Variants in IL36RN observed in about 807,000 individuals in gnomAD.
IL36RN encodes interleukin 36 receptor antagonist.
Under a neutral mutation model 13.0 loss-of-function variants are expected in IL36RN, and 11 were observed. The ratio of observed to expected loss-of-function variants is 0.85; its 90% CI spans 0.53 to 1.40. The LOEUF is 1.40. Among genes scored for constraint, IL36RN ranks in the 40% most tolerant of loss-of-function variants. The probability of loss-of-function intolerance (pLI) is 0.00; values close to 1 mark genes in which losing one functional copy is unlikely to be tolerated. For missense variants in IL36RN, 195 were observed against 195.3 expected, an observed-to-expected ratio of 1.00 and a Z score of 0.01; for synonymous variants, 94 against 84.1, an observed-to-expected ratio of 1.12 and a Z score of -0.64.
At position 113,062,686 on chromosome 2, in the gene IL36RN, G is replaced by GC. The variant is rs748582624; in HGVS notation, c.*15dup. ...TCCAGCAGTGTGACTAGGGCAACGT[G>GC]CCCCCCAGAACTCCCTGGGCAGAGC... On this transcript the variant is annotated 3_prime_UTR_variant, in exon 5 of 5. Coordinates refer to ENST00000393200, the MANE Select transcript of IL36RN (RefSeq NM_012275.3). 3.1e-6 allele frequency: 5 copies of GC among 1,606,908 alleles called. No homozygotes were observed. The Admixed American group carries it at 5.0e-5, about 16-fold the overall frequency.
chr2:113,062,172 C>T lies in IL36RN; in HGVS notation c.164C>T (p.Ser55Phe), dbSNP rs1458580125. The part of the protein sequence containing the change: ...VPNRWLDASL[S>F]PVILGVQGGS... ...AATCGGTGGCTGGATGCCAGCCTGTCCCCCGTCATCCTGGGTGTCCAGGGT... is the reference window on the plus strand; with the variant it reads ...AATCGGTGGCTGGATGCCAGCCTGTTCCCCGTCATCCTGGGTGTCCAGGGT... The change falls in exon 4 of 5, where the codon TCC becomes TTC. Residue 55 changes from serine to phenylalanine, a missense_variant. Physicochemically the swap from Ser to Phe is radical, Grantham distance 155. Transcript: ENST00000393200. 1.2e-6 allele frequency: 2 copies of T among 1,614,014 alleles called. No homozygotes were observed. Among genetic ancestry groups the T allele is most frequent in the Admixed American group, 1.7e-5 (1 of 60,024 alleles).
At position 113,063,802 on chromosome 2, in the gene IL36RN, A is replaced by G. The variant is rs927515218; in HGVS notation, c.*1125A>G. 1.3e-5 allele frequency: 2 copies of G among 152,234 alleles called. No homozygotes were observed. The highest frequency in any genetic ancestry group is 4.8e-5 in the African/African-American group (2 of 41,458). The allele number at this position is 152,234 out of a possible 1,614,324, so 9.4% of individuals were successfully genotyped here. A position where few individuals can be genotyped will look rare whatever the true frequency, so the allele number is the denominator to read the frequency against. On this transcript the variant is annotated 3_prime_UTR_variant, in exon 5 of 5. Coordinates refer to ENST00000393200, the MANE Select transcript of IL36RN (RefSeq NM_012275.3). ...AATCTCTGGGTAAGGAACTTAAAGA[A>G]CAAAAATCATCTGGTAATTCTTTCC...
Position 113,059,469 on chromosome 2 carries a change from T to A in IL36RN, c.29+2T>A. ...CCTGAGTGGGGCGCTGTGCTTCCGG[T>A]GAGTGTATGAGGCCCTGGTTTGGTG... On this transcript the variant is annotated splice_donor_variant, in intron 2 of 4. Transcript: ENST00000393200. LOFTEE classifies it high-confidence loss of function. 1 of 1,613,764 alleles carries A rather than the reference T, an allele frequency of 6.2e-7. No individual in the cohort carries two copies. Among genetic ancestry groups the A allele is most frequent in the Non-Finnish European group, 8.5e-7 (1 of 1,179,992 alleles).
At chr2:113,059,791 T>C (rs1370049265) in intron 2 of IL36RN, among the ~76,000 whole-genome samples, 2 of 152,138 alleles carry the variant, frequency 1.3e-5, no homozygotes, top group Non-Finnish European at 2.9e-5. Flanking sequence ...CCCATCACAG[T>C]GAATGGATGT....
In IL36RN at chr2:113,062,572, G is replaced by A. The variant is rs151274071; in HGVS notation, c.363G>A (p.Leu121=). 8.3e-4 allele frequency: 1,332 copies of A among 1,613,942 alleles called. No homozygotes were observed. The highest frequency in any genetic ancestry group is 1.3e-3 in the Admixed American group (76 of 60,024). ...FESAAYPGWF[L]CTVPEADQPV... ...CGGCTGCCTACCCGGGCTGGTTCCT[G>A]TGCACGGTGCCTGAAGCCGATCAGC... The change falls in exon 5 of 5, where the codon CTG becomes CTA. Residue 121 remains leucine (L), a synonymous_variant. Coordinates refer to ENST00000393200, the MANE Select transcript of IL36RN (RefSeq NM_012275.3).
intron 3 of IL36RN, 50 bp from the exon 4 acceptor site, chr2:113,062,071 GGAA>G (rs1381897458): frequency 2.5e-6 from 4 of 1,600,000 alleles, no homozygotes; most frequent in Non-Finnish European, 3.4e-6. Flanking sequence ...CCAGGACAGG[GGAA>G]GAAGGAGGGA....
At chr2:113,059,121 G>A, upstream of IL36RN, 2 of 440,600 alleles carry the variant, frequency 4.5e-6, no homozygotes, top group South Asian at 5.2e-5. Flanking sequence ...TGGGAATCCT[G>A]CTCCTCCTCA....
At chr2:113,059,007 T>A (rs1052641691), upstream of IL36RN, 12 of 238,100 alleles carry the variant, frequency 5.0e-5, no homozygotes, top group Admixed American at 3.4e-4. Context: ...TCAAGGAAGT[T>A]CTTCAATATT....
chr2:113,062,637 A>G lies in IL36RN; in HGVS notation c.428A>G (p.Asn143Ser). ...CAGCTTCCCGAGAATGGTGGCTGGA[A>G]TGCCCCCATCACAGACTTCTACTTC... is the stretch of plus-strand genomic sequence containing the variant. ...LTQLPENGGW[N>S]APITDFYFQQ... The change falls in exon 5 of 5, where the codon AAT (asparagine) becomes AGT (serine). Residue 143 changes from asparagine to serine, a missense_variant. By Grantham distance (46) the Asn-to-Ser change is conservative. Transcript: ENST00000393200. The G allele has an allele frequency of 6.2e-7, 1 of 1,613,004 alleles. No individual in the cohort carries two copies. Among genetic ancestry groups the G allele is most frequent in the Non-Finnish European group, 8.5e-7 (1 of 1,180,000 alleles).
In IL36RN at chr2:113,062,129, G is replaced by T. The variant is rs771984756; in HGVS notation, c.121G>T (p.Glu41Ter). 1.2e-6 allele frequency: 2 copies of T among 1,614,050 alleles called. No homozygotes were observed. Among genetic ancestry groups the T allele is most frequent in the Non-Finnish European group, 1.7e-6 (2 of 1,179,946 alleles). ...LHAGKVIKGEEISVVPNRWLD... is the reference protein window; with the variant it reads ...LHAGKVIKGE ...ATCTGGCCTCTTTCCCACAGGTGAA[G>T]AGATCAGCGTGGTCCCCAATCGGTG... The change falls in exon 4 of 5, where the codon GAG (glutamate) becomes TAG (stop). Residue 41 changes from glutamate (E) to a stop codon, truncating the protein, a stop_gained. Transcript: ENST00000393200. LOFTEE classifies it high-confidence loss of function.
chr2:113,062,177 G>A lies in IL36RN; in HGVS notation c.169G>A (p.Val57Ile), dbSNP rs77864207. The A allele has an allele frequency of 2.9e-4, 475 of 1,614,054 alleles. 1 individual carries two copies. The African/African-American group carries it at 4.0e-3, about 13-fold the overall frequency. ...NRWLDASLSP[V>I]ILGVQGGSQC... ...GTGGCTGGATGCCAGCCTGTCCCCC[G>A]TCATCCTGGGTGTCCAGGGTGGAAG... Residue 57 changes from valine to isoleucine, a missense_variant, in exon 4 of 5, where the codon GTC becomes ATC. Physicochemically the swap from Val to Ile is conservative, Grantham distance 29. Transcript: ENST00000393200.
intron 3 of IL36RN, among the ~76,000 whole-genome samples, chr2:113,061,599 T>C (rs1372111630): frequency 1.3e-5 from 2 of 152,162 alleles, no homozygotes; most frequent in Admixed American, 1.3e-4. Flanking sequence ...TGTATCTGTG[T>C]GTAACCATGT....
At chr2:113,059,272 C>G (rs986152886) in intron 1 of IL36RN, 31 bp downstream of exon 1, 5 of 725,762 alleles carry the variant, frequency 6.9e-6, no homozygotes, top group Non-Finnish European at 1.2e-5. Flanking sequence ...GGTACCGGAG[C>G]TCTCTCCTGA....
Position 113,062,476 on chromosome 2 carries a change from T to C in IL36RN, c.267T>C (p.Tyr89=). Residue 89 remains tyrosine (Y), a synonymous_variant, in exon 5 of 5, where the codon TAT becomes TAC. Transcript: ENST00000393200. ...AGCCAGTGAACATCATGGAGCTCTA[T>C]CTTGGTGCCAAGGAATCCAAGAGCT... is the stretch of plus-strand genomic sequence containing the variant. The part of the protein sequence containing the change: ...TLEPVNIMEL[Y]LGAKESKSFT... 1 of 1,614,104 alleles carries C rather than the reference T, an allele frequency of 6.2e-7. No individual in the cohort carries two copies. The highest frequency in any genetic ancestry group is 8.5e-7 in the Non-Finnish European group (1 of 1,180,002).
chr2:113,062,398 C>T (rs1182409523), intron 4 of IL36RN, 55 bp from the exon 5 acceptor site: 2 of 1,606,372 alleles, frequency 1.2e-6, no homozygotes, highest in Non-Finnish European at 1.7e-6. Context: ...TCCTGCCCAG[C>T]CCTCCCTCTG....
rs768525192 is a variant in IL36RN, at chr2:113,062,680, C to T, written c.*3C>T. 1.2e-6 allele frequency: 2 copies of T among 1,608,550 alleles called. No individual in the cohort carries two copies. The highest frequency in any genetic ancestry group is 1.7e-6 in the Non-Finnish European group (2 of 1,179,478). On this transcript the variant is annotated 3_prime_UTR_variant, in exon 5 of 5. Transcript: ENST00000393200. ...TCTACTTCCAGCAGTGTGACTAGGG[C>T]AACGTGCCCCCCAGAACTCCCTGGG...
At position 113,062,691 on chromosome 2, in the gene IL36RN, C is replaced by A. The variant is rs1405704440; in HGVS notation, c.*14C>A. The A allele has an allele frequency of 1.9e-6, 3 of 1,605,026 alleles. No individual in the cohort carries two copies. In the South Asian group the frequency reaches 3.3e-5, roughly 18 times the overall value. ...CAGTGTGACTAGGGCAACGTGCCCC[C>A]CAGAACTCCCTGGGCAGAGCCAGCT... On this transcript the variant is annotated 3_prime_UTR_variant, in exon 5 of 5. Coordinates refer to ENST00000393200, the MANE Select transcript of IL36RN (RefSeq NM_012275.3).
At chr2:113,061,007 CT>C in intron 3 of IL36RN, 70 bp downstream of exon 3, 2 of 1,165,360 alleles carry the variant, frequency 1.7e-6, no homozygotes, top group Non-Finnish European at 2.6e-6. Flanking sequence ...CTGAAGAGGG[CT>C]TAGAATAGTC....
chr2:113,062,535 C>G lies in IL36RN; in HGVS notation c.326C>G (p.Ser109Cys), dbSNP rs1685664392. 6.2e-7 allele frequency: 1 copy of G among 1,614,020 alleles called. No homozygotes were observed. The highest frequency in any genetic ancestry group is 1.3e-5 in the African/African-American group (1 of 74,920). Reference sequence around the variant, plus strand: ...TACCGGCGGGACATGGGGCTCACCTCCAGCTTCGAGTCGGCTGCCTACCCG... The same window carrying G: ...TACCGGCGGGACATGGGGCTCACCTGCAGCTTCGAGTCGGCTGCCTACCCG... ...TFYRRDMGLT[S>C]SFESAAYPGW... The change falls in exon 5 of 5, where the codon TCC (serine) becomes TGC (cysteine). Residue 109 changes from serine (S) to cysteine (C), a missense_variant. Ser to Cys is a moderately radical substitution (Grantham distance 112, BLOSUM62 -1). Coordinates refer to ENST00000393200, the MANE Select transcript of IL36RN (RefSeq NM_012275.3).
Sources: allele counts gnomAD v4.1 joint callset (sites outside exome capture counted in the v4.1 genomes callset), GRCh38; gene constraint gnomAD v4.1.1; transcripts MANE v1.5; gene names NCBI Gene and HGNC (gene_info 2026-07-23, HGNC 2026-07-21).